MTF1: variants seen among roughly 807,000 people sequenced by gnomAD.
MTF1 encodes the protein MRE-binding transcription factor.
In MTF1, 22 loss-of-function variants were observed where a neutral mutation model predicts 70.4. The observed-to-expected ratio is 0.31, with a 90% CI of 0.22 to 0.45. The LOEUF is 0.45. Among genes scored for constraint, MTF1 ranks in the 20% least tolerant of loss-of-function variants. The pLI is 1.00. For synonymous variants in MTF1, 333 were observed against 352.8 expected, an observed-to-expected ratio of 0.94 and a Z score of 0.63; for missense variants, 649 against 922.0, an observed-to-expected ratio of 0.70 and a Z score of 3.83.
chr1:37,844,742 T>C (rs1641308692), intron 2 of MTF1, among the ~76,000 whole-genome samples: 1 of 152,140 alleles, frequency 6.6e-6, no homozygotes. Flanking sequence ...CCCCCTCCTG[T>C]CTCCCTGCCC....
chr1:37,832,517 C>CA (rs1255198069), intron 6 of MTF1, among the ~76,000 whole-genome samples, 195 bp from the exon 7 acceptor site: 2 of 152,114 alleles, frequency 1.3e-5, no homozygotes, highest in African/African-American at 4.8e-5. Context: ...TTCTAGGGTA[C>CA]ATGTGCACAA....
chr1:37,855,857 C>G (rs940975122), intron 2 of MTF1, among the ~76,000 whole-genome samples: 1 of 152,018 alleles, frequency 6.6e-6, no homozygotes, highest in Admixed American at 6.6e-5. Context: ...ACTCAGGAGG[C>G]TGAGGCAGGA....
At chr1:37,819,152 CATAAATGTAAGAA>C (rs1353066640) in intron 9 of MTF1, among the ~76,000 whole-genome samples, 1 of 152,168 alleles carries the variant, frequency 6.6e-6, no homozygotes, top group Non-Finnish European at 1.5e-5. Flanking sequence ...TCTCAGCCTC[CATAAATGTAAGAA>C]ATAAATGTAT....
intron 9 of MTF1, among the ~76,000 whole-genome samples, chr1:37,821,549 G>A (rs564560210): frequency 6.6e-5 from 10 of 152,126 alleles, no homozygotes; most frequent in African/African-American, 2.2e-4. Flanking sequence ...TATAGTGTCT[G>A]GCAAATATTA....
intron 2 of MTF1, among the ~76,000 whole-genome samples, chr1:37,851,469 T>C (rs1264214708): frequency 2.0e-5 from 3 of 152,224 alleles, no homozygotes; most frequent in South Asian, 2.1e-4. Context: ...TGCATAATCA[T>C]TCCCTCTGTA....
chr1:37,824,280 G>A (rs1640967451), intron 7 of MTF1, among the ~76,000 whole-genome samples: 1 of 152,154 alleles, frequency 6.6e-6, no homozygotes, highest in African/African-American at 2.4e-5. Context: ...TGCTACAATG[G>A]CAGAGTTGAC....
intron 2 of MTF1, among the ~76,000 whole-genome samples, chr1:37,843,942 C>G (rs1478459873): frequency 6.8e-6 from 1 of 146,960 alleles, no homozygotes. Flanking sequence ...CTCACCTGTT[C>G]ATTGTGTTCT....
At chr1:37,822,022 A>G in intron 9 of MTF1, 99 bp downstream of exon 9, 1 of 925,102 alleles carries the variant, frequency 1.1e-6, no homozygotes, top group Non-Finnish European at 1.6e-6. Context: ...TTCACGGTGG[A>G]TATGACAGCC....
intron 7 of MTF1, among the ~76,000 whole-genome samples, chr1:37,831,321 TG>T (rs1194363133): frequency 6.6e-6 from 1 of 152,158 alleles, no homozygotes; most frequent in African/African-American, 2.4e-5. Flanking sequence ...TCAGCAGGCT[TG>T]GGGGGAGGCC....
intron 2 of MTF1, chr1:37,841,024 G>C: frequency 4.6e-6 from 1 of 218,416 alleles, no homozygotes; most frequent in Non-Finnish European, 9.2e-6. Context: ...TCCAGGACAT[G>C]AAGATCAAGT....
At chr1:37,825,184 TGC>T (rs1209956799) in intron 7 of MTF1, among the ~76,000 whole-genome samples, 2 of 152,214 alleles carry the variant, frequency 1.3e-5, no homozygotes, top group African/African-American at 4.8e-5. Flanking sequence ...AGCCGAATGC[TGC>T]CATGGGAATA....
rs375989724 is a variant in MTF1, at chr1:37,839,903, T to A, written c.647+17A>T. The A allele has an allele frequency of 6.3e-7, 1 of 1,595,032 alleles. No homozygotes were observed. Among genetic ancestry groups the A allele is most frequent in the Non-Finnish European group, 8.6e-7 (1 of 1,162,972 alleles). ...GTCAAGGTCAGAGGCTGGCAGAGCA[T>A]TGGAGACGAGACTGACCTGTACAGT... On this transcript the variant is annotated intron_variant, in intron 3 of 10. Coordinates refer to ENST00000373036, the MANE Select transcript of MTF1 (RefSeq NM_005955.3).
chr1:37,824,435 T>C (rs891296255), intron 7 of MTF1, among the ~76,000 whole-genome samples: 1 of 152,216 alleles, frequency 6.6e-6, no homozygotes, highest in Non-Finnish European at 1.5e-5. Flanking sequence ...TGGTGGCTTA[T>C]GCCTGTAATC....
At chr1:37,828,145 A>G (rs1355307879) in intron 7 of MTF1, 1 of 410,436 alleles carries the variant, frequency 2.4e-6, no homozygotes, top group Non-Finnish European at 4.7e-6. Flanking sequence ...ACACATAAAC[A>G]AGTATATGAT....
intron 7 of MTF1, among the ~76,000 whole-genome samples, chr1:37,826,853 C>T (rs548303336): frequency 6.6e-5 from 10 of 152,206 alleles, no homozygotes; most frequent in African/African-American, 2.2e-4. Flanking sequence ...GTGGTGCGTG[C>T]TTCAAATCCT....
intron 2 of MTF1, among the ~76,000 whole-genome samples, chr1:37,848,245 CA>C (rs1016060639): frequency 3.8e-4 from 58 of 152,182 alleles, no homozygotes; most frequent in African/African-American, 1.4e-3. Flanking sequence ...ATCCAGCGAA[CA>C]ATCATGATGC....
At position 37,811,276 on chromosome 1, in the gene MTF1, A is replaced by C. The variant is rs1478814492; in HGVS notation, c.*3860T>G. On this transcript the variant is annotated 3_prime_UTR_variant, in exon 11 of 11. Transcript: ENST00000373036. ...CCTGGGGCACACAGGGAAGGCTTGCATAGATTGAGCGGTTGCTGAGAATGC... is the reference window on the plus strand; with the variant it reads ...CCTGGGGCACACAGGGAAGGCTTGCCTAGATTGAGCGGTTGCTGAGAATGC... The C allele has an allele frequency of 6.5e-6, 1 of 152,738 alleles. No homozygotes were observed. The highest frequency in any genetic ancestry group is 1.5e-5 in the Non-Finnish European group (1 of 68,098). 9.5% of individuals were successfully genotyped at this position (152,738 alleles called of 1,614,324 possible).
chr1:37,846,060 G>C (rs1014515572), intron 2 of MTF1, among the ~76,000 whole-genome samples: 1 of 152,064 alleles, frequency 6.6e-6, no homozygotes, highest in Non-Finnish European at 1.5e-5. Flanking sequence ...ACATACAGGA[G>C]GTATTGCAAC....
chr1:37,850,240 CAAAAAA>C (rs5773605), intron 2 of MTF1, among the ~76,000 whole-genome samples: 3 of 66,330 alleles, frequency 4.5e-5, no homozygotes, highest in African/African-American at 5.6e-5. Context: ...CTGTCTCAAC[CAAAAAA>C]AAAAAAAAAA....
Sources: allele counts gnomAD v4.1 joint callset (sites outside exome capture counted in the v4.1 genomes callset), GRCh38; gene constraint gnomAD v4.1.1; transcripts MANE v1.5; gene names NCBI Gene and HGNC (gene_info 2026-07-23, HGNC 2026-07-21).